The following FGF14 variants were observed in gnomAD, a reference collection of about 807,000 sequenced individuals.
The protein encoded by FGF14 is fibroblast growth factor 14, also known as fibroblast growth factor homologous factor 4.
Under a neutral mutation model 25.5 loss-of-function variants are expected in FGF14, and 5 were observed. The observed-to-expected ratio is 0.20, with a 90% CI of 0.10 to 0.41. FGF14 has a LOEUF of 0.41. Among genes scored for constraint, FGF14 ranks in the 10% least tolerant of loss-of-function variants. The pLI, the probability that FGF14 is intolerant of heterozygous loss-of-function variation, is 1.00. For synonymous variants in FGF14, 138 were observed against 118.3 expected (o/e 1.17, Z -1.08); for missense variants, 222 against 320.1 (o/e 0.69, Z 2.34).
chr13:102,023,819 G>A (rs2040793639), intron 1 of FGF14, among the ~76,000 whole-genome samples: 1 of 151,958 alleles, frequency 6.6e-6, no homozygotes, highest in African/African-American at 2.4e-5. Flanking sequence ...TTGGCATAAG[G>A]ATCATTGAAA....
intron 1 of FGF14, among the ~76,000 whole-genome samples, chr13:101,926,655 G>T (rs2034386841): frequency 6.6e-6 from 1 of 152,220 alleles, no homozygotes; most frequent in African/African-American, 2.4e-5. Flanking sequence ...TAAGGCCATA[G>T]AATCTAGCTA....
At chr13:102,175,782 G>A (rs1156421435) in intron 1 of FGF14, among the ~76,000 whole-genome samples, 1 of 151,922 alleles carries the variant, frequency 6.6e-6, no homozygotes, top group African/African-American at 2.4e-5. Context: ...CTTCTCAAAA[G>A]AAAACATACA....
At chr13:101,917,245 C>T (rs965726845), upstream of FGF14, among the ~76,000 whole-genome samples, 5 of 152,122 alleles carry the variant, frequency 3.3e-5, no homozygotes, top group African/African-American at 1.2e-4. Context: ...TCTGGAGAGA[C>T]CAATCTTCTC....
intron 3 of FGF14, among the ~76,000 whole-genome samples, chr13:101,848,077 C>T (rs977748078): frequency 6.6e-6 from 1 of 151,972 alleles, no homozygotes; most frequent in Non-Finnish European, 1.5e-5. Flanking sequence ...CATTAATATT[C>T]TAAACTTAAC....
chr13:101,764,009 T>C (rs1279533342), intron 3 of FGF14, among the ~76,000 whole-genome samples: 1 of 152,072 alleles, frequency 6.6e-6, no homozygotes, highest in Non-Finnish European at 1.5e-5. Context: ...AGTGTGAATT[T>C]GAAGTAAGAA....
At position 101,717,800 on chromosome 13, in the gene FGF14, T is replaced by G. The variant is rs899875116; in HGVS notation, c.*5031A>C. On this transcript the variant is annotated 3_prime_UTR_variant, in exon 5 of 5. Transcript: ENST00000376143. ...TGGGCAGTACTTTGTCAGCCTCAGC[T>G]CCACTGGAACTGCCCTTGATTCTCT... 1.4e-4 allele frequency: 21 copies of G among 152,144 alleles called. No homozygotes were observed. Among genetic ancestry groups the G allele is most frequent in the African/African-American group, 4.3e-4 (18 of 41,444 alleles). 9.4% of individuals were successfully genotyped at this position (152,144 alleles called of 1,614,324 possible). A position where few individuals can be genotyped will look rare whatever the true frequency, so the allele number is the denominator to read the frequency against.
chr13:102,243,639 G>C (rs1030112144), intron 1 of FGF14, among the ~76,000 whole-genome samples: 1 of 146,326 alleles, frequency 6.8e-6, no homozygotes, highest in African/African-American at 2.6e-5. Context: ...ATTAAGAGCT[G>C]TGTGACTTTG....
rs528887049 is a variant in FGF14 at position 102,275,455 on chromosome 13, C to A, written c.208+126016G>T. On this transcript the variant is annotated intron_variant, in intron 1 of 4. Coordinates refer to the FGF14 transcript ENST00000376131. ...TTTGTATTTAAAATAGAATGGATTTCTCTCCTAATCTTTACATCAAACATA... is the reference window on the plus strand; with the variant it reads ...TTTGTATTTAAAATAGAATGGATTTATCTCCTAATCTTTACATCAAACATA... Among the ~76,000 whole-genome samples, 30 of 152,058 alleles carry A rather than the reference C, an allele frequency of 2.0e-4. No individual in the cohort carries two copies. In the East Asian group the frequency reaches 5.2e-3, roughly 26 times the overall value.
At chr13:102,370,458 T>TG (rs1402551774) in intron 1 of FGF14, among the ~76,000 whole-genome samples, 1 of 152,090 alleles carries the variant, frequency 6.6e-6, no homozygotes, top group Non-Finnish European at 1.5e-5. Flanking sequence ...TGTTATGAGA[T>TG]GGGGTCTCAC....
At chr13:101,783,965 T>C (rs564977582) in intron 3 of FGF14, among the ~76,000 whole-genome samples, 3 of 152,252 alleles carry the variant, frequency 2.0e-5, no homozygotes, top group Non-Finnish European at 2.9e-5. Context: ...TTTTTTGTTG[T>C]TGTTGTTAGG....
chr13:102,054,843 C>T (rs1356261609), intron 1 of FGF14, among the ~76,000 whole-genome samples: 2 of 152,136 alleles, frequency 1.3e-5, no homozygotes, highest in Non-Finnish European at 2.9e-5. Context: ...TATTCATCCC[C>T]AATATGAAAC....
At chr13:101,971,185 A>G (rs2139540602) in intron 1 of FGF14, among the ~76,000 whole-genome samples, 1 of 152,236 alleles carries the variant, frequency 6.6e-6, no homozygotes, top group Admixed American at 6.5e-5. Flanking sequence ...GTTACTTAAT[A>G]GGGGATACAG....
intron 1 of FGF14, among the ~76,000 whole-genome samples, chr13:102,171,962 C>T (rs1299377590): frequency 6.9e-6 from 1 of 144,874 alleles, no homozygotes; most frequent in Non-Finnish European, 1.5e-5. Flanking sequence ...AAAAGATATG[C>T]ACTTACCATG....
chr13:101,765,293 T>C (rs1444241814), intron 3 of FGF14, among the ~76,000 whole-genome samples: 3 of 152,216 alleles, frequency 2.0e-5, no homozygotes, highest in Admixed American at 6.5e-5. Flanking sequence ...CATACAAAGA[T>C]AGAGAAATTA....
Position 102,122,252 on chromosome 13 carries a change from C to T in FGF14, c.209-246956G>A, listed in dbSNP as rs190696900. On this transcript the variant is annotated intron_variant, in intron 1 of 4. Coordinates refer to the FGF14 transcript ENST00000376131. ...GAGGCTGGTATTTTTATACTCAGCC[C>T]ACATATTAGTAACAGGACTTCTGAT... Among the ~76,000 whole-genome samples, 426 of 152,254 alleles carry T rather than the reference C, an allele frequency of 2.8e-3. 4 individuals carry two copies. The highest frequency in any genetic ancestry group is 9.0e-3 in the Admixed American group (137 of 15,288).
chr13:101,805,854 A>T (rs1244570320), intron 3 of FGF14, among the ~76,000 whole-genome samples: 5 of 152,094 alleles, frequency 3.3e-5, no homozygotes, highest in African/African-American at 9.7e-5. Context: ...CAAAAAACAA[A>T]AGCCCAAATG....
In FGF14 at chr13:101,939,016, G is replaced by A. The variant is rs576188181; in HGVS notation, c.209-63720C>T. 4.6e-5 allele frequency among the ~76,000 whole-genome samples: 7 copies of A among 152,286 alleles called. No homozygotes were observed. The South Asian group carries it at 1.4e-3, about 32-fold the overall frequency. ...TGTGCTAAACATTGTACATCATGCA[G>A]CACATCCCTTCCCAAAACCAAGTAT... On this transcript the variant is annotated intron_variant, in intron 1 of 4. Coordinates refer to the FGF14 transcript ENST00000376131.
intron 1 of FGF14, among the ~76,000 whole-genome samples, chr13:102,104,107 G>A (rs912984180): frequency 5.9e-5 from 9 of 152,236 alleles, no homozygotes; most frequent in East Asian, 5.8e-4. Context: ...GTAACCCCGA[G>A]GACTAAGGAT....
At chr13:102,080,926 G>A (rs139720299) in intron 1 of FGF14, among the ~76,000 whole-genome samples, 234 of 152,320 alleles carry the variant, frequency 1.5e-3, no homozygotes, top group African/African-American at 5.5e-3. Context: ...AAGCCACTAG[G>A]CAACCAAGAC....
Sources: allele counts gnomAD v4.1 joint callset (sites outside exome capture counted in the v4.1 genomes callset), GRCh38; gene constraint gnomAD v4.1.1; transcripts MANE v1.5; gene names NCBI Gene and HGNC (gene_info 2026-07-23, HGNC 2026-07-21).